Variants in AIG1 observed in about 807,000 individuals in gnomAD.
AIG1 encodes androgen-induced gene 1 protein.
Under a neutral mutation model 31.4 loss-of-function variants are expected in AIG1, and 23 were observed. The ratio of observed to expected loss-of-function variants is 0.73; its 90% confidence interval spans 0.53 to 1.04. AIG1 has a LOEUF of 1.04. Among genes scored for constraint, AIG1 ranks in the 50% least tolerant of loss-of-function variants. The pLI, the probability that AIG1 is intolerant of heterozygous loss-of-function variation, is 0.00. For synonymous variants in AIG1, 100 were observed against 110.5 expected, an observed-to-expected ratio of 0.90 and a Z score of 0.60; for missense variants, 274 against 295.0, an observed-to-expected ratio of 0.93 and a Z score of 0.52.
In AIG1 at chr6:143,188,811, A is replaced by G; in HGVS notation, c.399+23628A>G. The G allele has an allele frequency of 3.0e-6, 3 of 985,306 alleles. No individual in the cohort carries two copies. The South Asian group carries it at 1.4e-4, about 46-fold the overall frequency. 61.0% of individuals were successfully genotyped at this position (985,306 alleles called of 1,614,324 possible). ...GTAAGACCAGGGAAACATACTGGCA[A>G]TAGCAACTTCCCAGAACATTCCTTT... On this transcript the variant is annotated intron_variant, in intron 3 of 5. Coordinates refer to ENST00000357847, the MANE Select transcript of AIG1 (RefSeq NM_016108.4).
At chr6:143,222,396 T>G (rs76146807) in intron 3 of AIG1, among the ~76,000 whole-genome samples, 2,516 of 151,898 alleles carry the variant, frequency 0.017, 51 homozygotes, top group African/African-American at 0.047. Flanking sequence ...TGGTTTTTTT[T>G]TTGTTGTTGT....
chr6:143,181,705 TG>T (rs1269877785), intron 3 of AIG1, among the ~76,000 whole-genome samples: 1 of 151,920 alleles, frequency 6.6e-6, no homozygotes, highest in African/African-American at 2.4e-5. Context: ...AACTACTTTG[TG>T]AGATAGAAAG....
intron 1 of AIG1, among the ~76,000 whole-genome samples, chr6:143,065,711 C>T (rs1413905225): frequency 6.6e-6 from 1 of 152,110 alleles, no homozygotes; most frequent in Non-Finnish European, 1.5e-5. Flanking sequence ...CTGTCTCCTC[C>T]CAAAAACATT....
chr6:143,152,347 T>G (rs372396531), intron 2 of AIG1, among the ~76,000 whole-genome samples: 2 of 152,310 alleles, frequency 1.3e-5, no homozygotes, highest in East Asian at 3.9e-4. Context: ...ATTAATGTAA[T>G]TTTATCGAAT....
rs535740872 is a variant in AIG1 at position 143,092,533 on chromosome 6, C to T, written c.141+31467C>T. Among the ~76,000 whole-genome samples the T allele has an allele frequency of 8.5e-5, 13 of 152,272 alleles. No individual in the cohort carries two copies. The South Asian group carries it at 2.5e-3, about 29-fold the overall frequency. On this transcript the variant is annotated intron_variant, in intron 1 of 5. Transcript: ENST00000357847. ...CATTAATTTTCCTTTACATCTGCAT[C>T]AAAGCTCTTGGGTGACTAGGTGCAT...
chr6:143,103,636 T>C (rs993985821), intron 1 of AIG1, among the ~76,000 whole-genome samples: 2 of 148,870 alleles, frequency 1.3e-5, no homozygotes, highest in African/African-American at 4.9e-5. Context: ...GCCTCCCGAG[T>C]AGCTGGGACT....
intron 3 of AIG1, among the ~76,000 whole-genome samples, chr6:143,202,204 G>T (rs1321523766): frequency 6.6e-6 from 1 of 152,116 alleles, no homozygotes; most frequent in Non-Finnish European, 1.5e-5. Context: ...TTTAATAACA[G>T]TTTTCAGGAA....
At chr6:143,274,967 A>G (rs1415902494) in intron 3 of AIG1, among the ~76,000 whole-genome samples, 1 of 152,244 alleles carries the variant, frequency 6.6e-6, no homozygotes, top group Non-Finnish European at 1.5e-5. Context: ...TATTATTGTT[A>G]TTCCATATTT....
At chr6:143,229,859 A>G (rs1020532444) in intron 3 of AIG1, among the ~76,000 whole-genome samples, 1 of 150,550 alleles carries the variant, frequency 6.6e-6, no homozygotes, top group African/African-American at 2.4e-5. Flanking sequence ...GTACTATTTC[A>G]TATGCAACCT....
chr6:143,260,519 A>G (rs981743613), intron 3 of AIG1, among the ~76,000 whole-genome samples: 17 of 152,196 alleles, frequency 1.1e-4, no homozygotes, highest in African/African-American at 4.1e-4. Context: ...CTTAGTTCCA[A>G]GATAACTCAA....
intron 3 of AIG1, among the ~76,000 whole-genome samples, chr6:143,278,272 A>G (rs1353396847): frequency 6.6e-6 from 1 of 152,182 alleles, no homozygotes; most frequent in African/African-American, 2.4e-5. Context: ...TGAATAATCT[A>G]TTCCAGTATA....
rs138403978 is a variant in AIG1, at chr6:143,255,761, G to A, written c.400-28349G>A. 2.4e-3 allele frequency among the ~76,000 whole-genome samples: 369 copies of A among 151,996 alleles called. 1 individual carries two copies. The highest frequency in any genetic ancestry group is 8.3e-3 in the African/African-American group (345 of 41,476). On this transcript the variant is annotated intron_variant, in intron 3 of 5. Transcript: ENST00000357847. ...GATCACACTCTATGGAAATTTGAGG[G>A]GATTCTAAAAGATAGGAAATATAAA...
rs376372647 is a variant in AIG1, at chr6:143,293,724, A to G, written c.515+9499A>G. 1.8e-4 allele frequency among the ~76,000 whole-genome samples: 27 copies of G among 152,292 alleles called. No individual in the cohort carries two copies. The highest frequency in any genetic ancestry group is 1.2e-3 in the Admixed American group (19 of 15,288). ...GAAGAACTAGAATTCCCCATGTGCT[A>G]TTAACCTTGCCCCACCCTGAAGTCA... On this transcript the variant is annotated intron_variant, in intron 4 of 5. Coordinates refer to ENST00000357847, the MANE Select transcript of AIG1 (RefSeq NM_016108.4). The surrounding 1 kb of genome is among the most constrained non-coding windows in gnomAD (Gnocchi z 4.8).
chr6:143,161,571 A>T (rs1362525186), intron 2 of AIG1, among the ~76,000 whole-genome samples: 1 of 140,414 alleles, frequency 7.1e-6, no homozygotes, highest in East Asian at 2.0e-4. Flanking sequence ...GTGTGTGTAC[A>T]TATATATATA....
intron 1 of AIG1, among the ~76,000 whole-genome samples, chr6:143,084,026 C>T (rs1778533292): frequency 6.6e-6 from 1 of 152,202 alleles, no homozygotes. Flanking sequence ...TATCTAGTGA[C>T]TGGCTGTCAT....
At chr6:143,257,293 A>C (rs1465792152) in intron 3 of AIG1, among the ~76,000 whole-genome samples, 2 of 152,236 alleles carry the variant, frequency 1.3e-5, no homozygotes, top group Non-Finnish European at 2.9e-5. Context: ...TTTACTATTT[A>C]GAGTGATCTT....
chr6:143,066,562 C>T lies in AIG1; in HGVS notation c.141+5496C>T, dbSNP rs148518809. ...TGCTGGGATTACAGGTGTGAGCCAC[C>T]GCGCCTGGCCTGAATTCTGCCTATT... On this transcript the variant is annotated intron_variant, in intron 1 of 5. Transcript: ENST00000357847. 2.6e-3 allele frequency among the ~76,000 whole-genome samples: 399 copies of T among 152,122 alleles called. 1 individual carries two copies. The highest frequency in any genetic ancestry group is 8.6e-3 in the African/African-American group (355 of 41,500).
At chr6:143,128,102 C>T (rs1405061839) in intron 1 of AIG1, among the ~76,000 whole-genome samples, 1 of 152,044 alleles carries the variant, frequency 6.6e-6, no homozygotes, top group Non-Finnish European at 1.5e-5. Context: ...TGAATTTGTC[C>T]TATATTACAA....
At position 143,284,313 on chromosome 6, in the gene AIG1, T is replaced by C; in HGVS notation, c.515+88T>C. 1.1e-6 allele frequency: 1 copy of C among 940,676 alleles called. No individual in the cohort carries two copies. Among genetic ancestry groups the C allele is most frequent in the Non-Finnish European group, 1.7e-6 (1 of 602,044 alleles). 58.3% of individuals were successfully genotyped at this position (940,676 alleles called of 1,614,324 possible). On this transcript the variant is annotated intron_variant, in intron 4 of 5. Coordinates refer to ENST00000357847, the MANE Select transcript of AIG1 (RefSeq NM_016108.4). The surrounding 1 kb of genome is among the most constrained non-coding windows in gnomAD (Gnocchi z 4.4). Reference sequence around the variant, plus strand: ...CATATTTCATTATGGATATAATCACTAACAGATTCACGCTGTGTGCCGCAT... The same window carrying C: ...CATATTTCATTATGGATATAATCACCAACAGATTCACGCTGTGTGCCGCAT...
Sources: allele counts gnomAD v4.1 joint callset (sites outside exome capture counted in the v4.1 genomes callset), GRCh38; gene constraint gnomAD v4.1.1; non-coding constraint Gnocchi (gnomAD v3.1); transcripts MANE v1.5; gene names NCBI Gene and HGNC (gene_info 2026-07-23, HGNC 2026-07-21).